Variants in PARD3B observed in about 807,000 individuals in gnomAD.
PARD3B encodes the protein par-3 family cell polarity regulator beta, also known as partitioning defective 3 homolog B.
PARD3B carries 103 observed loss-of-function variants against 130.2 expected under a neutral mutation model. The ratio of observed to expected loss-of-function variants is 0.79; its 90% CI spans 0.67 to 0.93. PARD3B has a LOEUF of 0.93. Ranked by LOEUF, PARD3B falls within the 40% of genes least tolerant of loss-of-function variation. The probability of loss-of-function intolerance (pLI) is 0.00; values close to 1 mark genes in which losing one functional copy is unlikely to be tolerated. For missense variants in PARD3B, 1,609 were observed against 1,499.2 expected (o/e 1.07, Z -1.21); for synonymous variants, 583 against 553.2 (o/e 1.05, Z -0.76).
intron 16 of PARD3B, among the ~76,000 whole-genome samples, chr2:205,262,863 CAAAT>C (rs1253186369): frequency 1.3e-5 from 2 of 152,054 alleles, no homozygotes; most frequent in African/African-American, 4.8e-5. Flanking sequence ...CAGGTGCTGA[CAAAT>C]AATTTTTCTT....
At chr2:204,683,870 T>C (rs1001844276) in intron 1 of PARD3B, among the ~76,000 whole-genome samples, 2 of 152,184 alleles carry the variant, frequency 1.3e-5, no homozygotes, top group African/African-American at 4.8e-5. Context: ...ATCAAGATAC[T>C]TTTTTACTTC....
At chr2:204,729,856 A>G (rs966986920) in intron 2 of PARD3B, among the ~76,000 whole-genome samples, 1 of 151,992 alleles carries the variant, frequency 6.6e-6, no homozygotes, top group Non-Finnish European at 1.5e-5. Context: ...ATCTATTTTA[A>G]CTCTGAAAAA....
rs369238477 is a variant in PARD3B at position 204,793,082 on chromosome 2, G to C, written c.222+106800G>C. On this transcript the variant is annotated intron_variant, in intron 2 of 22. Transcript: ENST00000406610. Reference sequence around the variant, plus strand: ...AAGACCAATTTTTTGTTTAATCCAAGGTGATCAAAAGAAGTCCCCAGTAAT... The same window carrying C: ...AAGACCAATTTTTTGTTTAATCCAACGTGATCAAAAGAAGTCCCCAGTAAT... 4.3e-4 allele frequency among the ~76,000 whole-genome samples: 66 copies of C among 152,216 alleles called. 1 individual carries two copies. In the East Asian group the frequency reaches 0.012, roughly 28 times the overall value.
At chr2:205,002,293 A>G (rs544901096) in intron 3 of PARD3B, among the ~76,000 whole-genome samples, 3 of 152,334 alleles carry the variant, frequency 2.0e-5, no homozygotes, top group East Asian at 3.9e-4. Flanking sequence ...AGCTTTAAAT[A>G]GGTCACATTC....
rs3051346 is a variant in PARD3B, at chr2:204,550,412, CTGTGTG to C, written c.120+4325_120+4330del. 3.8e-3 allele frequency among the ~76,000 whole-genome samples: 555 copies of C among 144,392 alleles called. 5 individuals carry two copies. The highest frequency in any genetic ancestry group is 0.012 in the African/African-American group (481 of 39,378). The allele number at this position is 144,392 out of a possible 152,430, so 94.7% of individuals were successfully genotyped here. ...GGAATGCATGGATGCGGAGGGCTGA[CTGTGTG>C]TGTGTGTGTGTGTGTGTGTGTGTGT... On this transcript the variant is annotated intron_variant, in intron 1 of 22. Coordinates refer to ENST00000406610, the MANE Select transcript of PARD3B (RefSeq NM_001302769.2).
chr2:205,390,245 A>G (rs1422205316), intron 18 of PARD3B, among the ~76,000 whole-genome samples: 1 of 151,536 alleles, frequency 6.6e-6, no homozygotes, highest in East Asian at 1.9e-4. Context: ...CAATTCTATG[A>G]TGTTCTCATT....
chr2:205,386,046 T>A (rs2045649698), intron 18 of PARD3B, among the ~76,000 whole-genome samples: 1 of 152,226 alleles, frequency 6.6e-6, no homozygotes. Context: ...AGTTTCATGA[T>A]AGGCTTTTAT....
intron 20 of PARD3B, among the ~76,000 whole-genome samples, chr2:205,444,878 A>C (rs1180161999): frequency 1.3e-5 from 2 of 152,208 alleles, no homozygotes; most frequent in African/African-American, 4.8e-5. Flanking sequence ...GACTAAAAAG[A>C]GGGCTTTAGA....
intron 20 of PARD3B, among the ~76,000 whole-genome samples, chr2:205,451,618 G>A (rs992626923): frequency 6.6e-6 from 1 of 151,468 alleles, no homozygotes; most frequent in Admixed American, 6.6e-5. Flanking sequence ...TTATAGCTAA[G>A]GCAGAAATAT....
At chr2:204,553,666 A>ATT (rs1559152394) in intron 1 of PARD3B, among the ~76,000 whole-genome samples, 28 of 19,538 alleles carry the variant, frequency 1.4e-3, no homozygotes, top group Non-Finnish European at 6.5e-4. Context: ...ATATATATAT[A>ATT]TATATATATA....
intron 3 of PARD3B, among the ~76,000 whole-genome samples, chr2:205,001,172 A>G (rs1694799633): frequency 6.6e-6 from 1 of 152,046 alleles, no homozygotes; most frequent in South Asian, 2.1e-4. Context: ...TATTTTTAGT[A>G]GAGATGGGGT....
At chr2:204,791,689 T>A (rs751093458) in intron 2 of PARD3B, among the ~76,000 whole-genome samples, 3 of 152,240 alleles carry the variant, frequency 2.0e-5, no homozygotes, top group Non-Finnish European at 2.9e-5. Context: ...AAATTGTTCT[T>A]TTTGAATTGC....
At chr2:205,524,372 A>C (rs1380378505) in intron 21 of PARD3B, among the ~76,000 whole-genome samples, 1 of 151,960 alleles carries the variant, frequency 6.6e-6, no homozygotes, top group African/African-American at 2.4e-5. Flanking sequence ...TATTAACTAC[A>C]CCTCCTGTTT....
chr2:205,174,259 A>G (rs1224169672), intron 12 of PARD3B, among the ~76,000 whole-genome samples: 1 of 152,226 alleles, frequency 6.6e-6, no homozygotes, highest in Non-Finnish European at 1.5e-5. Flanking sequence ...CAGAAGTGCC[A>G]TGTTAATGTA....
chr2:204,705,823 G>A (rs911662714), intron 2 of PARD3B, among the ~76,000 whole-genome samples: 11 of 152,248 alleles, frequency 7.2e-5, no homozygotes, highest in Admixed American at 2.0e-4. Context: ...AAGTTTGACC[G>A]AACGCTAGCC....
chr2:204,566,881 C>CTTT (rs1232686164), intron 1 of PARD3B, among the ~76,000 whole-genome samples: 2 of 140,334 alleles, frequency 1.4e-5, no homozygotes, highest in Non-Finnish European at 3.1e-5. Flanking sequence ...TTCTAAACCT[C>CTTT]TTTTTTTTTT....
intron 21 of PARD3B, among the ~76,000 whole-genome samples, chr2:205,511,132 T>C (rs897108353): frequency 3.8e-5 from 1 of 26,394 alleles, no homozygotes; most frequent in Admixed American, 7.4e-4. Flanking sequence ...GAACTACTCT[T>C]GAATTATCAC....
At chr2:205,508,962 A>AT (rs199907976) in intron 21 of PARD3B, among the ~76,000 whole-genome samples, 5,161 of 140,918 alleles carry the variant, frequency 0.037, 107 homozygotes, top group African/African-American at 0.074. Flanking sequence ...AATAAACTGA[A>AT]TTTTTTTTTT....
intron 15 of PARD3B, among the ~76,000 whole-genome samples, chr2:205,238,047 C>T (rs2039148927): frequency 6.6e-6 from 1 of 152,124 alleles, no homozygotes. Flanking sequence ...AGTCTAGAAT[C>T]CTTTGCTGAA....
Sources: allele counts gnomAD v4.1 joint callset (sites outside exome capture counted in the v4.1 genomes callset), GRCh38; gene constraint gnomAD v4.1.1; transcripts MANE v1.5; gene names NCBI Gene and HGNC (gene_info 2026-07-23, HGNC 2026-07-21).